Variants in HPCAL1 observed in about 807,000 individuals in gnomAD.
HPCAL1 encodes hippocalcin-like protein 1.
In HPCAL1, 8 loss-of-function variants were observed where a neutral mutation model predicts 17.1. That is an observed-to-expected ratio of 0.47 (90% confidence interval 0.27 to 0.84). HPCAL1 has a LOEUF of 0.84. Among genes scored for constraint, HPCAL1 ranks in the 40% least tolerant of loss-of-function variants. The pLI, the probability that HPCAL1 is intolerant of heterozygous loss-of-function variation, is 0.13. For missense variants in HPCAL1, 165 were observed against 271.1 expected (o/e 0.61, Z 2.75); for synonymous variants, 112 against 111.4 (o/e 1.01, Z -0.03).
intron 1 of HPCAL1, among the ~76,000 whole-genome samples, chr2:10,386,066 A>G (rs1456891116): frequency 6.6e-6 from 1 of 152,242 alleles, no homozygotes; most frequent in Non-Finnish European, 1.5e-5. Context: ...GCTGAGCCAC[A>G]TAACGTCACA....
chr2:10,331,084 C>T lies in HPCAL1; in HGVS notation c.-111+27907C>T, dbSNP rs1362196838. On this transcript the variant is annotated intron_variant, in intron 1 of 4. Transcript: ENST00000307845. The surrounding 1 kb of genome is among the most constrained non-coding windows in gnomAD (Gnocchi z 5.0). ...CATCTCGTGGCCTCCCATCTGCTCT[C>T]CCGGCTGCAGGAGCGGTTTCTCTAA... Among the ~76,000 whole-genome samples the T allele has an allele frequency of 6.6e-6, 1 of 152,152 alleles. No homozygotes were observed. Among genetic ancestry groups the T allele is most frequent in the Non-Finnish European group, 1.5e-5 (1 of 68,020 alleles).
chr2:10,309,025 C>A (rs762903246), intron 1 of HPCAL1, among the ~76,000 whole-genome samples: 16 of 151,688 alleles, frequency 1.1e-4, no homozygotes, highest in Non-Finnish European at 1.9e-4. Flanking sequence ...ATTGTGAGAC[C>A]CTGCTTCTTA....
chr2:10,414,040 G>A (rs567135305), intron 2 of HPCAL1, among the ~76,000 whole-genome samples: 2 of 152,380 alleles, frequency 1.3e-5, no homozygotes, highest in African/African-American at 2.4e-5. Context: ...AGGCCAGACC[G>A]CCTGGGTCCA....
intron 1 of HPCAL1, among the ~76,000 whole-genome samples, chr2:10,328,384 G>A (rs549205221): frequency 1.7e-4 from 26 of 152,362 alleles, no homozygotes; most frequent in African/African-American, 6.0e-4. Context: ...CAGCCTGACT[G>A]AGCCAAGGGA....
chr2:10,357,420 T>C (rs1666224824), intron 1 of HPCAL1, among the ~76,000 whole-genome samples: 1 of 152,216 alleles, frequency 6.6e-6, no homozygotes, highest in African/African-American at 2.4e-5. Context: ...GTGGTGCTGA[T>C]GTGGGCCAGG....
chr2:10,324,024 T>C (rs1472769010), intron 1 of HPCAL1, among the ~76,000 whole-genome samples: 3 of 152,220 alleles, frequency 2.0e-5, no homozygotes, highest in African/African-American at 7.2e-5. Context: ...AGAAAGTCAG[T>C]TAAGAATTTT....
At chr2:10,397,790 G>A (rs1669155923) in intron 2 of HPCAL1, among the ~76,000 whole-genome samples, 1 of 152,208 alleles carries the variant, frequency 6.6e-6, no homozygotes, top group African/African-American at 2.4e-5. Context: ...GAGCCTGCCA[G>A]CCATGCTGTG....
At chr2:10,374,266 G>A (rs1188203215) in intron 1 of HPCAL1, among the ~76,000 whole-genome samples, 8 of 150,764 alleles carry the variant, frequency 5.3e-5, no homozygotes, top group Non-Finnish European at 1.2e-4. Flanking sequence ...TTAATTATAA[G>A]AGTGATGTAA....
chr2:10,306,659 C>T (rs1280780676), intron 1 of HPCAL1, among the ~76,000 whole-genome samples: 2 of 152,128 alleles, frequency 1.3e-5, no homozygotes, highest in Non-Finnish European at 2.9e-5. Flanking sequence ...TGGTTGGAAT[C>T]TAGTGGTGCA....
intron 2 of HPCAL1, among the ~76,000 whole-genome samples, chr2:10,414,766 A>T (rs550168882): frequency 2.5e-4 from 38 of 152,180 alleles, no homozygotes; most frequent in Non-Finnish European, 4.7e-4. Flanking sequence ...ACACACGGAC[A>T]TGCTGCCAGG....
intron 1 of HPCAL1, among the ~76,000 whole-genome samples, chr2:10,371,706 G>A (rs1042810515): frequency 6.6e-6 from 1 of 152,164 alleles, no homozygotes; most frequent in Non-Finnish European, 1.5e-5. Flanking sequence ...CCTCCTAGAG[G>A]AGGCCACCTG....
At chr2:10,404,915 C>G (rs549787535) in intron 2 of HPCAL1, among the ~76,000 whole-genome samples, 1 of 152,284 alleles carries the variant, frequency 6.6e-6, no homozygotes, top group East Asian at 1.9e-4. Context: ...CCACCGAGCC[C>G]AGGCCGCAGC....
rs749201121 is a variant in HPCAL1, at chr2:10,343,191, C to T, written c.-111+40014C>T. ...AACTTCCATGGTAGTTGGTAAATAG[C>T]CCCATCACCCCTCTCCTGGGACCCT... On this transcript the variant is annotated intron_variant, in intron 1 of 4. Coordinates refer to ENST00000307845, the MANE Select transcript of HPCAL1 (RefSeq NM_002149.4). The surrounding 1 kb of genome is among the most constrained non-coding windows in gnomAD (Gnocchi z 4.8). Among the ~76,000 whole-genome samples the T allele has an allele frequency of 3.3e-5, 5 of 152,118 alleles. No homozygotes were observed. Among genetic ancestry groups the T allele is most frequent in the Non-Finnish European group, 5.9e-5 (4 of 68,016 alleles).
At chr2:10,381,233 G>A (rs1667922567) in intron 1 of HPCAL1, among the ~76,000 whole-genome samples, 3 of 152,226 alleles carry the variant, frequency 2.0e-5, no homozygotes, top group African/African-American at 7.2e-5. Context: ...TAAGCAAGGA[G>A]GCATCTAAGC....
chr2:10,325,848 G>A (rs2125409840), intron 1 of HPCAL1, among the ~76,000 whole-genome samples: 1 of 152,344 alleles, frequency 6.6e-6, no homozygotes, highest in South Asian at 2.1e-4. Flanking sequence ...TAGCACCTCT[G>A]TTGGGCACCA....
At chr2:10,333,830 AACATAGGTGAAGAG>A (rs1664539888) in intron 1 of HPCAL1, among the ~76,000 whole-genome samples, 1 of 152,190 alleles carries the variant, frequency 6.6e-6, no homozygotes, top group Non-Finnish European at 1.5e-5. Context: ...AAAGTCTAGA[AACATAGGTGAAGAG>A]ACCTAATGCC....
intron 3 of HPCAL1, among the ~76,000 whole-genome samples, chr2:10,421,730 A>C (rs1338210392): frequency 1.3e-5 from 2 of 152,194 alleles, no homozygotes; most frequent in East Asian, 3.9e-4. Flanking sequence ...ATAAGAAAAA[A>C]ATGGAACTCT....
At chr2:10,387,480 C>A (rs2125553984) in intron 1 of HPCAL1, among the ~76,000 whole-genome samples, 3 of 152,354 alleles carry the variant, frequency 2.0e-5, no homozygotes, top group Admixed American at 2.0e-4. Context: ...TCTGAGCCAT[C>A]TAGGTGGGCA....
intron 1 of HPCAL1, among the ~76,000 whole-genome samples, chr2:10,374,499 C>G (rs1440228315): frequency 6.6e-6 from 1 of 152,230 alleles, no homozygotes; most frequent in Admixed American, 6.5e-5. Flanking sequence ...GCAAGGAGAC[C>G]GAGCCTGCCT....
Sources: allele counts gnomAD v4.1 joint callset (sites outside exome capture counted in the v4.1 genomes callset), GRCh38; gene constraint gnomAD v4.1.1; non-coding constraint Gnocchi (gnomAD v3.1); transcripts MANE v1.5; gene names NCBI Gene and HGNC (gene_info 2026-07-23, HGNC 2026-07-21).